KLHL14: variants seen among roughly 807,000 people sequenced by gnomAD.
KLHL14 encodes the protein kelch like family member 14, also known as kelch-like protein 14.
A neutral mutation model predicts 64.3 loss-of-function variants in KLHL14; 22 were observed. That is an observed-to-expected ratio of 0.34 (90% CI 0.24 to 0.49). The LOEUF is 0.49. KLHL14 is among the 20% of genes least tolerant of loss of function. KLHL14 has a pLI of 0.99. For synonymous variants in KLHL14, 322 were observed against 333.4 expected, an observed-to-expected ratio of 0.97 and a Z score of 0.37; for missense variants, 661 against 789.0, an observed-to-expected ratio of 0.84 and a Z score of 1.94.
At chr18:32,696,012 G>A (rs914618393) in intron 3 of KLHL14, among the ~76,000 whole-genome samples, 8 of 152,124 alleles carry the variant, frequency 5.3e-5, no homozygotes, top group African/African-American at 1.9e-4. Context: ...GACTCAGGGT[G>A]CTTGGTCGCT....
chr18:32,677,433 A>ATT (rs2049817194), intron 7 of KLHL14, 103 bp from the exon 8 acceptor site: 1 of 1,080,204 alleles, frequency 9.3e-7, no homozygotes, highest in Non-Finnish European at 1.3e-6. Flanking sequence ...AAAATAGATA[A>ATT]TTATGTTTTT....
At chr18:32,741,806 C>T in intron 3 of KLHL14, 122 bp downstream of exon 3, 1 of 1,194,476 alleles carries the variant, frequency 8.4e-7, no homozygotes, top group Non-Finnish European at 1.1e-6. Flanking sequence ...CATAAACAAA[C>T]CTCCAAAGGG....
In KLHL14 at chr18:32,683,463, C is replaced by G. The variant is rs754999958; in HGVS notation, c.1239-2864G>C. ...AACATTCACTGTAGGCTAAAATCTT[C>G]CCATACCAGGTCTCTCTTGACAATG... On this transcript the variant is annotated intron_variant, in intron 5 of 8. Transcript: ENST00000359358. The surrounding 1 kb of genome is among the most constrained non-coding windows in gnomAD (Gnocchi z 4.2). 3.2e-4 allele frequency among the ~76,000 whole-genome samples: 49 copies of G among 152,136 alleles called. No individual in the cohort carries two copies. The highest frequency in any genetic ancestry group is 6.6e-4 in the Non-Finnish European group (45 of 68,024).
At chr18:32,753,729 G>C (rs2050268195) in intron 2 of KLHL14, among the ~76,000 whole-genome samples, 1 of 152,186 alleles carries the variant, frequency 6.6e-6, no homozygotes. Flanking sequence ...TGCTTCATGA[G>C]GGACAATGGC....
At chr18:32,679,189 G>A (rs908526087) in intron 7 of KLHL14, among the ~76,000 whole-genome samples, 1 of 143,732 alleles carries the variant, frequency 7.0e-6, no homozygotes, top group Non-Finnish European at 1.5e-5. Context: ...CATGAACTTG[G>A]AACTATCTAC....
chr18:32,698,271 G>C (rs2049946219), intron 3 of KLHL14, among the ~76,000 whole-genome samples: 1 of 152,148 alleles, frequency 6.6e-6, no homozygotes, highest in South Asian at 2.1e-4. Context: ...GTGGACAAGT[G>C]CCTCGCCCTC....
chr18:32,705,551 C>T (rs1347551289), intron 3 of KLHL14, among the ~76,000 whole-genome samples: 2 of 151,868 alleles, frequency 1.3e-5, no homozygotes, highest in Admixed American at 6.6e-5. Flanking sequence ...GTTGGAATTC[C>T]ATCTCTACTA....
At chr18:32,725,269 A>G (rs557239743) in intron 3 of KLHL14, among the ~76,000 whole-genome samples, 70 of 152,236 alleles carry the variant, frequency 4.6e-4, no homozygotes, top group African/African-American at 1.7e-3. Flanking sequence ...GGCTCAAGCA[A>G]TCTTCCCACC....
rs547864689 is a variant in KLHL14 at position 32,696,750 on chromosome 18, C to T, written c.1070-1198G>A. ...CTTATTTTGGGTGCTATATAGCTCT[C>T]ATTTCATTTTGTTTTTATTATCTTT... On this transcript the variant is annotated intron_variant, in intron 3 of 8. Transcript: ENST00000359358. Among the ~76,000 whole-genome samples the T allele has an allele frequency of 2.6e-5, 4 of 152,278 alleles. No homozygotes were observed. In the South Asian group the frequency reaches 8.3e-4, roughly 32 times the overall value.
chr18:32,759,615 G>A (rs1021818745), intron 2 of KLHL14, among the ~76,000 whole-genome samples: 29 of 152,142 alleles, frequency 1.9e-4, no homozygotes, highest in African/African-American at 6.8e-4. Context: ...TGGTAGAGGT[G>A]AGATTTAAAC....
chr18:32,698,580 A>G (rs1359629933), intron 3 of KLHL14, among the ~76,000 whole-genome samples: 1 of 152,178 alleles, frequency 6.6e-6, no homozygotes, highest in Non-Finnish European at 1.5e-5. Flanking sequence ...ACTGTCATCT[A>G]AACCCACTTC....
At chr18:32,707,726 C>T (rs1203781792) in intron 3 of KLHL14, among the ~76,000 whole-genome samples, 2 of 152,166 alleles carry the variant, frequency 1.3e-5, no homozygotes, top group African/African-American at 4.8e-5. Flanking sequence ...ATGAATGTGT[C>T]CCATGTGACT....
intron 3 of KLHL14, chr18:32,733,815 G>T (rs141252974): frequency 1.1e-4 from 24 of 227,208 alleles, no homozygotes; most frequent in African/African-American, 5.3e-4. Flanking sequence ...CCCACCTCTT[G>T]GATAGGTGCC....
chr18:32,765,435 G>A (rs2050336904), intron 2 of KLHL14, among the ~76,000 whole-genome samples: 1 of 152,058 alleles, frequency 6.6e-6, no homozygotes, highest in South Asian at 2.1e-4. Flanking sequence ...CTGATTGTAG[G>A]ATGTAACTAT....
intron 3 of KLHL14, among the ~76,000 whole-genome samples, chr18:32,697,197 TGTGGCAGA>T (rs2049941079): frequency 6.6e-6 from 1 of 152,244 alleles, no homozygotes; most frequent in South Asian, 2.1e-4. Context: ...CAGAATTCAT[TGTGGCAGA>T]GTACACGTGA....
At chr18:32,689,947 C>T (rs1001690271) in intron 4 of KLHL14, among the ~76,000 whole-genome samples, 4 of 152,128 alleles carry the variant, frequency 2.6e-5, no homozygotes, top group African/African-American at 9.7e-5. Flanking sequence ...GGCACATTGA[C>T]CACAGAAATT....
chr18:32,677,492 G>A (rs117682769), intron 7 of KLHL14, among the ~76,000 whole-genome samples, 162 bp from the exon 8 acceptor site: 3,281 of 152,260 alleles, frequency 0.022, 61 homozygotes, highest in Middle Eastern at 0.072. Flanking sequence ...ATGTCAGAAA[G>A]ACCTAGAAAA....
At chr18:32,682,295 A>AT (rs1381997137) in intron 5 of KLHL14, among the ~76,000 whole-genome samples, 1 of 152,144 alleles carries the variant, frequency 6.6e-6, no homozygotes, top group African/African-American at 2.4e-5. Flanking sequence ...CTTTTTCTAG[A>AT]TTTTCTTGAT....
chr18:32,763,044 C>T (rs1355809371), intron 2 of KLHL14, among the ~76,000 whole-genome samples: 1 of 151,448 alleles, frequency 6.6e-6, no homozygotes, highest in Non-Finnish European at 1.5e-5. Flanking sequence ...TCTGACACCC[C>T]TTTAGTACTT....
Sources: allele counts gnomAD v4.1 joint callset (sites outside exome capture counted in the v4.1 genomes callset), GRCh38; gene constraint gnomAD v4.1.1; non-coding constraint Gnocchi (gnomAD v3.1); transcripts MANE v1.5; gene names NCBI Gene and HGNC (gene_info 2026-07-23, HGNC 2026-07-21).